Variants in DCC observed in about 807,000 individuals in gnomAD.
The protein encoded by DCC is DCC netrin 1 receptor.
A neutral mutation model predicts 172.5 loss-of-function variants in DCC; 58 were observed. That is an observed-to-expected ratio of 0.34 (90% confidence interval 0.27 to 0.42). The LOEUF (loss-of-function observed/expected upper bound fraction) is 0.42. Ranked by LOEUF, DCC falls within the 10% of genes least tolerant of loss-of-function variation. The probability of loss-of-function intolerance (pLI) is 1.00; values close to 1 mark genes in which losing one functional copy is unlikely to be tolerated. For synonymous variants in DCC, 709 were observed against 644.5 expected (o/e 1.10, Z -1.52); for missense variants, 1,740 against 1,791.0 (o/e 0.97, Z 0.51).
At chr18:53,075,533 G>A (rs2042713837) in intron 7 of DCC, among the ~76,000 whole-genome samples, 1 of 147,678 alleles carries the variant, frequency 6.8e-6, no homozygotes, top group African/African-American at 2.5e-5. Flanking sequence ...ATATACCAGA[G>A]TGTTATCCCA....
At chr18:52,400,821 T>C (rs1986408284) in intron 1 of DCC, among the ~76,000 whole-genome samples, 1 of 152,024 alleles carries the variant, frequency 6.6e-6, no homozygotes, top group Non-Finnish European at 1.5e-5. Flanking sequence ...GAAACCATCA[T>C]TCTTAGTCAA....
intron 11 of DCC, 130 bp downstream of exon 11, chr18:53,207,947 T>A: frequency 1.2e-6 from 1 of 824,262 alleles, no homozygotes; most frequent in Non-Finnish European, 2.0e-6. Flanking sequence ...ACTATTACAG[T>A]TAAATGTAAA....
At chr18:52,860,907 G>A (rs557558261) in intron 2 of DCC, among the ~76,000 whole-genome samples, 205 of 151,812 alleles carry the variant, frequency 1.4e-3, no homozygotes, top group African/African-American at 4.7e-3. Flanking sequence ...TCAGGAGGCC[G>A]AGGCAGGAGA....
chr18:52,803,984 G>A (rs1209714490), intron 2 of DCC, among the ~76,000 whole-genome samples: 1 of 152,130 alleles, frequency 6.6e-6, no homozygotes, highest in African/African-American at 2.4e-5. Context: ...CCAGCATGGT[G>A]GTGGTGGTGC....
chr18:52,618,988 A>C (rs12604173), intron 1 of DCC, among the ~76,000 whole-genome samples: 6,165 of 152,224 alleles, frequency 0.04, 238 homozygotes, highest in East Asian at 0.09. Context: ...CCCAGGCTGG[A>C]GTGCAATGGC....
chr18:53,333,127 T>C (rs1049806726), intron 14 of DCC, among the ~76,000 whole-genome samples: 2 of 150,484 alleles, frequency 1.3e-5, no homozygotes, highest in African/African-American at 4.9e-5. Flanking sequence ...GGTAAAAGAA[T>C]ACAAAGTAGA....
intron 2 of DCC, among the ~76,000 whole-genome samples, chr18:52,815,741 A>C (rs1246213362): frequency 6.6e-6 from 1 of 152,236 alleles, no homozygotes; most frequent in African/African-American, 2.4e-5. Flanking sequence ...AACATCAATA[A>C]ATCATAAGTA....
chr18:53,346,934 A>G (rs2057733065), intron 15 of DCC, among the ~76,000 whole-genome samples: 2 of 152,152 alleles, frequency 1.3e-5, no homozygotes, highest in Non-Finnish European at 2.9e-5. Context: ...TTAGAAGGCA[A>G]TCAACAGTTA....
chr18:53,029,952 T>C (rs545390025), intron 5 of DCC, among the ~76,000 whole-genome samples: 12 of 152,304 alleles, frequency 7.9e-5, no homozygotes, highest in Non-Finnish European at 1.6e-4. Context: ...GAATCTAGCC[T>C]ACCTAGATAT....
intron 8 of DCC, among the ~76,000 whole-genome samples, chr18:53,172,968 A>G (rs557998517): frequency 6.7e-4 from 102 of 152,306 alleles, no homozygotes; most frequent in African/African-American, 2.4e-3. Flanking sequence ...AATGATAACA[A>G]AACCACCCTA....
chr18:52,468,439 T>C (rs1988851316), intron 1 of DCC, among the ~76,000 whole-genome samples: 1 of 152,222 alleles, frequency 6.6e-6, no homozygotes, highest in Non-Finnish European at 1.5e-5. Flanking sequence ...AAACATTTAA[T>C]TGCTAATTCT....
chr18:53,216,566 G>C (rs1380025723), intron 12 of DCC, among the ~76,000 whole-genome samples: 1 of 152,102 alleles, frequency 6.6e-6, no homozygotes, highest in East Asian at 1.9e-4. Flanking sequence ...GAAAGTAATA[G>C]TAAAATGTAT....
At chr18:52,456,685 C>T (rs893230556) in intron 1 of DCC, among the ~76,000 whole-genome samples, 6 of 152,142 alleles carry the variant, frequency 3.9e-5, no homozygotes, top group Non-Finnish European at 1.5e-5. Context: ...ATGGAAGACA[C>T]ATTGCTTAAA....
At chr18:53,372,676 C>T (rs8084610) in intron 15 of DCC, among the ~76,000 whole-genome samples, 146,853 of 152,230 alleles carry the variant, frequency 0.96, 71,074 homozygotes, top group Middle Eastern at 1. Flanking sequence ...TTACAGAAGA[C>T]AAGCATATAT....
chr18:52,632,264 T>A (rs532215495), intron 1 of DCC, among the ~76,000 whole-genome samples: 1 of 152,214 alleles, frequency 6.6e-6, no homozygotes, highest in Admixed American at 6.5e-5. Context: ...AACTACAGCG[T>A]AAGTTCCAAG....
chr18:53,077,786 C>A (rs905212672), intron 7 of DCC, among the ~76,000 whole-genome samples: 3 of 152,156 alleles, frequency 2.0e-5, no homozygotes, highest in African/African-American at 7.2e-5. Context: ...ATGGAGGCTT[C>A]TCAGATAAAT....
At chr18:52,901,330 G>C (rs2039805604) in intron 2 of DCC, among the ~76,000 whole-genome samples, 1 of 152,072 alleles carries the variant, frequency 6.6e-6, no homozygotes, top group African/African-American at 2.4e-5. Flanking sequence ...CTACATGGGA[G>C]ACTGAGGTAG....
chr18:53,520,663 A>T (rs973942513), intron 27 of DCC, among the ~76,000 whole-genome samples: 1 of 152,110 alleles, frequency 6.6e-6, no homozygotes, highest in South Asian at 2.1e-4. Context: ...CACTGAATCT[A>T]CACACAAAAA....
intron 12 of DCC, among the ~76,000 whole-genome samples, chr18:53,262,036 T>A (rs1166870305): frequency 6.6e-6 from 1 of 152,160 alleles, no homozygotes; most frequent in African/African-American, 2.4e-5. Flanking sequence ...TGAAGCACAA[T>A]AACAGAAAAG....
Sources: allele counts gnomAD v4.1 joint callset (sites outside exome capture counted in the v4.1 genomes callset), GRCh38; gene constraint gnomAD v4.1.1; transcripts MANE v1.5; gene names NCBI Gene and HGNC (gene_info 2026-07-23, HGNC 2026-07-21).